Variants in PDCD6 observed in about 807,000 individuals in gnomAD.
PDCD6 encodes the protein programmed cell death protein 6.
A neutral mutation model predicts 28.3 loss-of-function variants in PDCD6; 12 were observed. The ratio of observed to expected loss-of-function variants is 0.42; its 90% CI spans 0.27 to 0.69. The LOEUF is 0.69. Among genes scored for constraint, PDCD6 ranks in the 30% least tolerant of loss-of-function variants. The probability of loss-of-function intolerance (pLI) is 0.22; values close to 1 mark genes in which losing one functional copy is unlikely to be tolerated. For synonymous variants in PDCD6, 92 were observed against 108.0 expected, an observed-to-expected ratio of 0.85 and a Z score of 0.92; for missense variants, 226 against 269.9, an observed-to-expected ratio of 0.84 and a Z score of 1.14.
intron 2 of PDCD6, among the ~76,000 whole-genome samples, chr5:293,972 C>T (rs867898401): frequency 2.6e-5 from 3 of 117,088 alleles, no homozygotes; most frequent in African/African-American, 6.5e-5. Flanking sequence ...GGGAACAGCA[C>T]GAGGCACTGG....
chr5:282,279 G>A (rs375970003), intron 2 of PDCD6, among the ~76,000 whole-genome samples: 1 of 145,182 alleles, frequency 6.9e-6, no homozygotes, highest in Admixed American at 6.8e-5. Context: ...AATCGGGGGG[G>A]GGGGAGCTGA....
chr5:312,092 C>G (rs1420587901), intron 5 of PDCD6: 1 of 152,436 alleles, frequency 6.6e-6, no homozygotes, highest in Non-Finnish European at 1.5e-5. Context: ...GCTGTGGAGC[C>G]TGTGGTCGCT....
In PDCD6 at chr5:314,690, A is replaced by G; in HGVS notation, c.*175A>G. The G allele has an allele frequency of 1.4e-6, 1 of 691,820 alleles. No individual in the cohort carries two copies. Among genetic ancestry groups the G allele is most frequent in the Non-Finnish European group, 2.6e-6 (1 of 377,796 alleles). The allele number at this position is 691,820 out of a possible 1,614,324, so 42.9% of individuals were successfully genotyped here. ...GCTGATTAATGGTTTTGCAACTGTA[A>G]TAGTAGCTGTATCGTTCTAATGCAG... On this transcript the variant is annotated 3_prime_UTR_variant, in exon 6 of 6. Transcript: ENST00000264933.
In PDCD6 at chr5:307,406, G is replaced by A. The variant is rs911923153; in HGVS notation, c.367+646G>A. Among the ~76,000 whole-genome samples, 2 of 151,736 alleles carry A rather than the reference G, an allele frequency of 1.3e-5. No homozygotes were observed. Among genetic ancestry groups the A allele is most frequent in the South Asian group, 2.1e-4 (1 of 4,794 alleles). ...TCAGAAGGGGCGTTAGGCAGAACGC[G>A]TGCCCATTCTCAGGTGCGCTCAGCG... On this transcript the variant is annotated intron_variant, in intron 4 of 5. Coordinates refer to ENST00000264933, the MANE Select transcript of PDCD6 (RefSeq NM_013232.4). The surrounding 1 kb of genome is among the most constrained non-coding windows in gnomAD (Gnocchi z 6.1).
chr5:309,437 A>G (rs1579552332), intron 4 of PDCD6: 1 of 159,922 alleles, frequency 6.3e-6, no homozygotes, highest in Non-Finnish European at 1.4e-5. Flanking sequence ...CTGATGACCA[A>G]GGAAACTGGA....
intron 4 of PDCD6, 67 bp from the exon 5 acceptor site, chr5:311,226 G>T: frequency 8.5e-7 from 1 of 1,175,208 alleles, no homozygotes. Context: ...TGGGCAGGAG[G>T]GGTGAGTGTT....
intron 2 of PDCD6, among the ~76,000 whole-genome samples, chr5:275,689 G>A (rs1286871937): frequency 6.6e-6 from 1 of 152,222 alleles, no homozygotes. Context: ...CAGGTTGTTA[G>A]TAAGCACAGG....
chr5:279,474 G>A (rs1334062430), intron 2 of PDCD6, among the ~76,000 whole-genome samples: 1 of 152,138 alleles, frequency 6.6e-6, no homozygotes, highest in Non-Finnish European at 1.5e-5. Context: ...TCAGCCTAGA[G>A]TCAAGGCCAG....
intron 4 of PDCD6, 106 bp downstream of exon 4, chr5:306,866 C>T (rs10475185): frequency 0.053 from 63,316 of 1,197,966 alleles, 2,036 homozygotes; most frequent in African/African-American, 0.11. Flanking sequence ...AACCAGGCTA[C>T]GTAAAGTTTT....
intron 2 of PDCD6, among the ~76,000 whole-genome samples, chr5:302,395 C>CTGTGTGTGTGTGTGTGTGGG (rs1561046930): frequency 1.3e-5 from 1 of 76,172 alleles, no homozygotes; most frequent in Non-Finnish European, 2.2e-5. Flanking sequence ...GAGTGCTGCT[C>CTGTGTGTGTGTGTGTGTGGG]TGTGTGTATG....
At chr5:297,958 G>A (rs1739725193) in intron 2 of PDCD6, among the ~76,000 whole-genome samples, 1 of 152,140 alleles carries the variant, frequency 6.6e-6, no homozygotes, top group South Asian at 2.1e-4. Flanking sequence ...CTCAAGCACA[G>A]GTGAATCTAA....
chr5:288,801 T>G, intron 2 of PDCD6: 1 of 1,124,100 alleles, frequency 8.9e-7, no homozygotes, highest in Non-Finnish European at 1.2e-6. Flanking sequence ...CAGAACTGTA[T>G]GTAAAATACT....
At chr5:277,871 C>T (rs1249787151) in intron 2 of PDCD6, among the ~76,000 whole-genome samples, 1 of 147,540 alleles carries the variant, frequency 6.8e-6, no homozygotes, top group African/African-American at 2.5e-5. Flanking sequence ...GCTGAGATAG[C>T]GCCACTGCAC....
chr5:308,714 GA>G (rs1364350541), intron 4 of PDCD6: 15 of 152,328 alleles, frequency 9.8e-5, no homozygotes, highest in African/African-American at 3.6e-4. Flanking sequence ...ATGAAGCAGG[GA>G]GGCTGCACTG....
intron 2 of PDCD6, among the ~76,000 whole-genome samples, chr5:274,928 G>A (rs55844184): frequency 0.097 from 14,735 of 152,158 alleles, 2,310 homozygotes; most frequent in African/African-American, 0.33. Flanking sequence ...TGCCTGATGG[G>A]TGCTGAGTCC....
At chr5:288,560 TA>T (rs201696884) in intron 2 of PDCD6, among the ~76,000 whole-genome samples, 242 of 142,862 alleles carry the variant, frequency 1.7e-3, no homozygotes, top group South Asian at 2.6e-3. Flanking sequence ...AATCCTAAAT[TA>T]AAAAAAAAAA....
chr5:290,418 G>A (rs535042260), intron 2 of PDCD6: 26 of 701,778 alleles, frequency 3.7e-5, no homozygotes, highest in Non-Finnish European at 5.8e-5. Flanking sequence ...CCACTCCCTC[G>A]CACACACTCC....
intron 2 of PDCD6, among the ~76,000 whole-genome samples, chr5:277,986 C>T (rs1738309815): frequency 6.6e-6 from 1 of 151,148 alleles, no homozygotes; most frequent in African/African-American, 2.4e-5. Flanking sequence ...CAAATCTAAA[C>T]TTTAATCTCA....
At chr5:285,616 A>T (rs1228965243) in intron 2 of PDCD6, among the ~76,000 whole-genome samples, 1 of 144,294 alleles carries the variant, frequency 6.9e-6, no homozygotes, top group Non-Finnish European at 1.5e-5. Flanking sequence ...ACCCATGGGG[A>T]TCTGATGTTC....
Sources: allele counts gnomAD v4.1 joint callset (sites outside exome capture counted in the v4.1 genomes callset), GRCh38; gene constraint gnomAD v4.1.1; non-coding constraint Gnocchi (gnomAD v3.1); transcripts MANE v1.5; gene names NCBI Gene and HGNC (gene_info 2026-07-23, HGNC 2026-07-21).